Variants in SEZ6L observed in about 807,000 individuals in gnomAD.
SEZ6L encodes seizure related 6 homolog like, also known as seizure 6-like protein.
SEZ6L carries 37 observed loss-of-function variants against 106.2 expected under a neutral mutation model. The observed-to-expected ratio is 0.35, with a 90% CI of 0.27 to 0.46. SEZ6L has a LOEUF of 0.46. Among genes scored for constraint, SEZ6L ranks in the 20% least tolerant of loss-of-function variants. The probability of loss-of-function intolerance (pLI) is 1.00; values close to 1 mark genes in which losing one functional copy is unlikely to be tolerated. For synonymous variants in SEZ6L, 541 were observed against 570.4 expected, an observed-to-expected ratio of 0.95 and a Z score of 0.73; for missense variants, 1,172 against 1,332.8, an observed-to-expected ratio of 0.88 and a Z score of 1.88.
intron 9 of SEZ6L, among the ~76,000 whole-genome samples, chr22:26,333,890 A>C (rs2082564971): frequency 1.3e-5 from 2 of 152,174 alleles, no homozygotes; most frequent in African/African-American, 4.8e-5. Context: ...AGCACAGGGA[A>C]GGGAATGTGA....
intron 1 of SEZ6L, among the ~76,000 whole-genome samples, chr22:26,218,644 A>G (rs1039144671): frequency 1.3e-5 from 2 of 152,228 alleles, no homozygotes; most frequent in African/African-American, 4.8e-5. Context: ...TCTACTAAAA[A>G]TACAAAAATT....
intron 1 of SEZ6L, among the ~76,000 whole-genome samples, chr22:26,230,338 A>T (rs913307213): frequency 2.6e-5 from 4 of 151,494 alleles, no homozygotes; most frequent in African/African-American, 9.7e-5. Flanking sequence ...AAACAAGAAG[A>T]AGTTTCTCCT....
At chr22:26,334,177 G>C (rs1247317100) in intron 9 of SEZ6L, among the ~76,000 whole-genome samples, 1 of 152,042 alleles carries the variant, frequency 6.6e-6, no homozygotes, top group Non-Finnish European at 1.5e-5. Context: ...ATCTACATAT[G>C]TGATACATTT....
chr22:26,221,355 T>C (rs1449762461), intron 1 of SEZ6L, among the ~76,000 whole-genome samples: 1 of 152,138 alleles, frequency 6.6e-6, no homozygotes, highest in Admixed American at 6.5e-5. Flanking sequence ...AAACCAACCA[T>C]AGCAGTTTTT....
intron 1 of SEZ6L, among the ~76,000 whole-genome samples, chr22:26,220,415 C>T (rs940657183): frequency 3.3e-5 from 5 of 152,166 alleles, no homozygotes; most frequent in African/African-American, 1.2e-4. Flanking sequence ...CCCTTTGAGG[C>T]AGGCAGAGCA....
intron 1 of SEZ6L, among the ~76,000 whole-genome samples, chr22:26,285,399 A>G (rs998920995): frequency 9.2e-5 from 14 of 152,230 alleles, no homozygotes; most frequent in Admixed American, 6.5e-5. Flanking sequence ...TGATACAAGC[A>G]ACACAAAGCT....
At chr22:26,245,083 C>T (rs995940109) in intron 1 of SEZ6L, among the ~76,000 whole-genome samples, 2 of 152,160 alleles carry the variant, frequency 1.3e-5, no homozygotes, top group African/African-American at 4.8e-5. Flanking sequence ...CCCTTAAGTA[C>T]ATCTGCCTTT....
In SEZ6L at chr22:26,266,230, A is replaced by T. The variant is rs1288479496; in HGVS notation, c.95-26176A>T. 3.3e-5 allele frequency among the ~76,000 whole-genome samples: 5 copies of T among 151,118 alleles called. No individual in the cohort carries two copies. The East Asian group carries it at 9.7e-4, about 29-fold the overall frequency. ...TGGCCCACAGAGATGATCTGTGACT[A>T]TTAAATGAAGCATTTATGTTGTGTG... On this transcript the variant is annotated intron_variant, in intron 1 of 16. Transcript: ENST00000248933.
intron 1 of SEZ6L, among the ~76,000 whole-genome samples, chr22:26,213,584 T>C (rs2078220354): frequency 6.6e-6 from 1 of 152,220 alleles, no homozygotes; most frequent in Non-Finnish European, 1.5e-5. Context: ...GTTACTTTTA[T>C]TTATTTTCTT....
At chr22:26,305,949 C>A in intron 5 of SEZ6L, 30 bp from the exon 6 acceptor site, 6 of 1,546,380 alleles carry the variant, frequency 3.9e-6, no homozygotes, top group Non-Finnish European at 5.3e-6. Context: ...CTGCTCTCTC[C>A]CATTGCCCAC....
intron 1 of SEZ6L, among the ~76,000 whole-genome samples, chr22:26,273,368 G>T (rs957941093): frequency 5.2e-5 from 8 of 152,388 alleles, no homozygotes; most frequent in Admixed American, 5.2e-4. Context: ...GCCACTCTGA[G>T]GACCATTAAA....
At chr22:26,304,555 A>C (rs1293609919) in intron 5 of SEZ6L, among the ~76,000 whole-genome samples, 1 of 152,166 alleles carries the variant, frequency 6.6e-6, no homozygotes, top group Non-Finnish European at 1.5e-5. Flanking sequence ...TGAGAACTGG[A>C]AAGTGTTCTT....
At chr22:26,209,991 G>GAGGAAGGAAGGGAGGGAGAA (rs1569382195) in intron 1 of SEZ6L, among the ~76,000 whole-genome samples, 1 of 131,386 alleles carries the variant, frequency 7.6e-6, no homozygotes, top group African/African-American at 2.8e-5. Context: ...GGAAGGAAGG[G>GAGGAAGGAAGGGAGGGAGAA]AGGAAGGAAG....
chr22:26,196,260 C>T (rs931416950), intron 1 of SEZ6L, among the ~76,000 whole-genome samples: 1 of 152,174 alleles, frequency 6.6e-6, no homozygotes, highest in Non-Finnish European at 1.5e-5. Context: ...TCACCTTCCA[C>T]CAGTTTTGTA....
At chr22:26,329,086 T>G (rs1569465482) in intron 9 of SEZ6L, among the ~76,000 whole-genome samples, 1 of 151,478 alleles carries the variant, frequency 6.6e-6, no homozygotes, top group Non-Finnish European at 1.5e-5. Flanking sequence ...CAGCCTGGAG[T>G]GGACAAGCGT....
rs75271849 is a variant in SEZ6L, at chr22:26,325,842, T to C, written c.2015+11940T>C. Among the ~76,000 whole-genome samples, 1,300 of 152,162 alleles carry C rather than the reference T, an allele frequency of 8.5e-3. 10 individuals carry two copies. The highest frequency in any genetic ancestry group is 0.011 in the Non-Finnish European group (749 of 68,008). On this transcript the variant is annotated intron_variant, in intron 9 of 16. Transcript: ENST00000248933. ...AGTACATTACACACACTCAACAATT[T>C]AATTGGCAGCTGTGATGACGATTAA...
rs867081434 is a variant in SEZ6L, at chr22:26,332,152, T to G, written c.2016-8284T>G. 1.5e-3 allele frequency among the ~76,000 whole-genome samples: 191 copies of G among 125,316 alleles called. 2 individuals are homozygous for G. Among genetic ancestry groups the G allele is most frequent in the African/African-American group, 2.9e-3 (91 of 31,386 alleles). 82.2% of individuals were successfully genotyped at this position (125,316 alleles called of 152,430 possible). On this transcript the variant is annotated intron_variant, in intron 9 of 16. Coordinates refer to ENST00000248933, the MANE Select transcript of SEZ6L (RefSeq NM_021115.5). Reference sequence around the variant, plus strand: ...TGGAAGAGAGGATTTTCAATGTTTTTTTTTTTTTTTTTTTTGAGACAGGGT... The same window carrying G: ...TGGAAGAGAGGATTTTCAATGTTTTGTTTTTTTTTTTTTTTGAGACAGGGT...
chr22:26,296,355 T>C (rs928696246), intron 3 of SEZ6L, among the ~76,000 whole-genome samples: 12 of 151,870 alleles, frequency 7.9e-5, no homozygotes, highest in Admixed American at 7.2e-4. Context: ...ATGCAGAAAA[T>C]GGAAGAATAT....
At chr22:26,203,367 T>C (rs1429441955) in intron 1 of SEZ6L, among the ~76,000 whole-genome samples, 1 of 152,216 alleles carries the variant, frequency 6.6e-6, no homozygotes, top group African/African-American at 2.4e-5. Context: ...TATAGCACCA[T>C]TGGGCATGTT....
Sources: allele counts gnomAD v4.1 joint callset (sites outside exome capture counted in the v4.1 genomes callset), GRCh38; gene constraint gnomAD v4.1.1; transcripts MANE v1.5; gene names NCBI Gene and HGNC (gene_info 2026-07-23, HGNC 2026-07-21).